FAM3D: variants seen among roughly 807,000 people sequenced by gnomAD.
FAM3D encodes FAM3 metabolism regulating signaling molecule D.
FAM3D carries 26 observed loss-of-function variants against 29.8 expected under a neutral mutation model. The observed-to-expected ratio is 0.87, with a 90% CI of 0.64 to 1.21. FAM3D has a LOEUF of 1.21. Among genes scored for constraint, FAM3D ranks in the 50% most tolerant of loss-of-function variants. The pLI is 0.00. For missense variants in FAM3D, 253 were observed against 290.9 expected (o/e 0.87, Z 0.95); for synonymous variants, 115 against 102.3 (o/e 1.12, Z -0.75).
At chr3:58,651,970 G>A (rs1369834778) in intron 3 of FAM3D, among the ~76,000 whole-genome samples, 1 of 152,220 alleles carries the variant, frequency 6.6e-6, no homozygotes, top group Non-Finnish European at 1.5e-5. Context: ...GTGGGGTCAT[G>A]TTCAAGAAGG....
rs767389905 is a variant in FAM3D at position 58,636,413 on chromosome 3, C to G, written c.466G>C (p.Asp156His). ...TCAGAGAAGAGTTTCCTGCTTTCATCGTTCATTCTGCAGAGGACCAGAGAG... is the reference window on the plus strand; with the variant it reads ...TCAGAGAAGAGTTTCCTGCTTTCATGGTTCATTCTGCAGAGGACCAGAGAG... ...SYDDPGTKMNDESRKLFSDLG... is the reference protein window; with the variant it reads ...SYDDPGTKMNHESRKLFSDLG... Residue 156 changes from aspartate (D) to histidine (H), a missense_variant, in exon 9 of 10, where the codon GAT becomes CAT. Asp to His is a moderately conservative substitution (Grantham distance 81, BLOSUM62 -1). Transcript: ENST00000358781. 2 of 1,614,010 alleles carry G rather than the reference C, an allele frequency of 1.2e-6. No homozygotes were observed. Among genetic ancestry groups the G allele is most frequent in the African/African-American group, 2.7e-5 (2 of 74,930 alleles).
At chr3:58,652,354 G>A (rs992084615) in intron 3 of FAM3D, among the ~76,000 whole-genome samples, 1 of 150,148 alleles carries the variant, frequency 6.7e-6, no homozygotes, top group African/African-American at 2.4e-5. Context: ...CTAGCATCCA[G>A]CATCCTTCCA....
At chr3:58,646,503 C>T (rs373729036) in intron 4 of FAM3D, among the ~76,000 whole-genome samples, 4 of 152,236 alleles carry the variant, frequency 2.6e-5, no homozygotes, top group South Asian at 4.1e-4. Flanking sequence ...GGATGACACC[C>T]GCCCTTGCAG....
chr3:58,645,506 T>C lies in FAM3D; in HGVS notation c.263+3A>G. 6.2e-7 allele frequency: 1 copy of C among 1,608,006 alleles called. No individual in the cohort carries two copies. The highest frequency in any genetic ancestry group is 1.1e-5 in the South Asian group (1 of 90,454). ...TAAACATAGTTGTGTCTTAGGTACT[T>C]ACATGCGGTCTTCAAAGCACATAGT... is the stretch of plus-strand genomic sequence containing the variant. On this transcript the variant is annotated splice_donor_region_variant and intron_variant, in intron 5 of 9. Transcript: ENST00000358781.
chr3:58,664,776 T>G (rs1254546625), intron 1 of FAM3D, among the ~76,000 whole-genome samples: 1 of 152,168 alleles, frequency 6.6e-6, no homozygotes, highest in Non-Finnish European at 1.5e-5. Context: ...CCTCTGAGCC[T>G]CCAGAAGCAA....
intron 6 of FAM3D, 121 bp from the exon 7 acceptor site, chr3:58,640,298 A>G: frequency 8.4e-7 from 1 of 1,187,314 alleles, no homozygotes; most frequent in South Asian, 1.3e-5. Context: ...TAATGAAATC[A>G]GGTCCTATAA....
chr3:58,664,002 T>G (rs17059660), intron 1 of FAM3D, among the ~76,000 whole-genome samples: 38,863 of 152,100 alleles, frequency 0.26, 5,475 homozygotes, highest in East Asian at 0.39. Flanking sequence ...GATCATTCCC[T>G]CTGCGATGTG....
rs1161648375 is a variant in FAM3D at position 58,650,740 on chromosome 3, CAG to C, written c.122-1404_122-1403del. ...ATTTTTTATTTTTATTTTTTTGAGACAGAGTCTCGCTCCGTCGCCCAGGCTGG... is the reference window on the plus strand; with the variant it reads ...ATTTTTTATTTTTATTTTTTTGAGACAGTCTCGCTCCGTCGCCCAGGCTGG... On this transcript the variant is annotated intron_variant, in intron 3 of 9. Coordinates refer to ENST00000358781, the MANE Select transcript of FAM3D (RefSeq NM_138805.3). Among the ~76,000 whole-genome samples, 42 of 152,218 alleles carry C rather than the reference CAG, an allele frequency of 2.8e-4. 1 individual carries two copies. Among genetic ancestry groups the C allele is most frequent in the Non-Finnish European group, 2.9e-5 (2 of 68,014 alleles).
At position 58,634,893 on chromosome 3, in the gene FAM3D, G is replaced by A. The variant is rs1261719855; in HGVS notation, c.586-525C>T. Among the ~76,000 whole-genome samples the A allele has an allele frequency of 2.0e-5, 3 of 152,090 alleles. No homozygotes were observed. Among genetic ancestry groups the A allele is most frequent in the Non-Finnish European group, 2.9e-5 (2 of 68,018 alleles). ...AATATTAATTAATACTAATAATAAG[G>A]GGTGGGGTGCAGTGGCTCACACCTA... On this transcript the variant is annotated intron_variant, in intron 9 of 9. Coordinates refer to ENST00000358781, the MANE Select transcript of FAM3D (RefSeq NM_138805.3). The surrounding 1 kb of genome is among the most constrained non-coding windows in gnomAD (Gnocchi z 4.6).
At chr3:58,636,059 A>C (rs927076996) in intron 9 of FAM3D, among the ~76,000 whole-genome samples, 1 of 151,822 alleles carries the variant, frequency 6.6e-6, no homozygotes, top group African/African-American at 2.4e-5. Context: ...TCCTTTTCTG[A>C]TAATTATCTG....
At chr3:58,645,745 T>G in intron 4 of FAM3D, 119 bp from the exon 5 acceptor site, 3 of 854,398 alleles carry the variant, frequency 3.5e-6, no homozygotes, top group Non-Finnish European at 5.8e-6. Context: ...AGAGCCTCTT[T>G]CTGGGGGAGC....
chr3:58,643,597 T>A, intron 6 of FAM3D, 65 bp downstream of exon 6: 1 of 1,530,538 alleles, frequency 6.5e-7, no homozygotes, highest in South Asian at 1.1e-5. Flanking sequence ...TGAATGAATA[T>A]GCCGCTACCC....
In FAM3D at chr3:58,652,801, T is replaced by G. The variant is rs529596401; in HGVS notation, c.121+873A>C. On this transcript the variant is annotated intron_variant, in intron 3 of 9. Coordinates refer to ENST00000358781, the MANE Select transcript of FAM3D (RefSeq NM_138805.3). ...TCCATCTACCCATCCAACCATCCAT[T>G]TATCTATCCACCCACCCACTCAGCC... 1.3e-3 allele frequency among the ~76,000 whole-genome samples: 189 copies of G among 149,928 alleles called. 5 individuals carry two copies. The South Asian group carries it at 0.039, about 31-fold the overall frequency.
rs984247265 is a variant in FAM3D at position 58,645,523 on chromosome 3, G to A, written c.249C>T (p.Cys83=). Residue 83 remains cysteine, a synonymous_variant, in exon 5 of 10, where the codon TGC becomes TGT. Coordinates refer to ENST00000358781, the MANE Select transcript of FAM3D (RefSeq NM_138805.3). ...TAGGTACTTACATGCGGTCTTCAAA[G>A]CACATAGTAGGGCCCACGACGTTGG... ...GAANVVGPTM[C]FEDRMIMSPV... 9.9e-6 allele frequency: 16 copies of A among 1,613,614 alleles called. No individual in the cohort carries two copies. Among genetic ancestry groups the A allele is most frequent in the Non-Finnish European group, 1.4e-5 (16 of 1,179,744 alleles).
intron 3 of FAM3D, among the ~76,000 whole-genome samples, chr3:58,653,269 TG>T (rs955437685): frequency 4.6e-5 from 7 of 151,982 alleles, no homozygotes; most frequent in Admixed American, 3.3e-4. Context: ...GGAGGGCAGG[TG>T]GGGGGGATCT....
chr3:58,659,362 A>T (rs1171206263), intron 1 of FAM3D, among the ~76,000 whole-genome samples: 1 of 152,152 alleles, frequency 6.6e-6, no homozygotes, highest in African/African-American at 2.4e-5. Flanking sequence ...AGGAGCCGGG[A>T]TGTCAGCACT....
At chr3:58,654,086 G>A (rs558361207) in intron 2 of FAM3D, among the ~76,000 whole-genome samples, 2 of 152,346 alleles carry the variant, frequency 1.3e-5, no homozygotes, top group Admixed American at 6.5e-5. Flanking sequence ...TAGCAATGAG[G>A]CCAGCATTCT....
intron 1 of FAM3D, among the ~76,000 whole-genome samples, chr3:58,660,824 T>C (rs1473260920): frequency 2.6e-5 from 4 of 152,150 alleles, no homozygotes; most frequent in Non-Finnish European, 4.4e-5. Flanking sequence ...TTATTTTAAC[T>C]TGTTTAATCT....
At chr3:58,653,533 C>A in intron 3 of FAM3D, 141 bp downstream of exon 3, 1 of 803,146 alleles carries the variant, frequency 1.2e-6, no homozygotes, top group East Asian at 2.5e-5. Flanking sequence ...GGGGGTGCCC[C>A]CTCTCCCTGC....
Sources: allele counts gnomAD v4.1 joint callset (sites outside exome capture counted in the v4.1 genomes callset), GRCh38; gene constraint gnomAD v4.1.1; non-coding constraint Gnocchi (gnomAD v3.1); transcripts MANE v1.5; gene names NCBI Gene and HGNC (gene_info 2026-07-23, HGNC 2026-07-21).